SLC5A6: variants seen among roughly 807,000 people sequenced by gnomAD.
SLC5A6 encodes solute carrier family 5 member 6.
In SLC5A6, 31 loss-of-function variants were observed where a neutral mutation model predicts 67.9. The ratio of observed to expected loss-of-function variants is 0.46; its 90% confidence interval spans 0.34 to 0.62. The LOEUF is 0.62. Ranked by LOEUF, SLC5A6 falls within the 20% of genes least tolerant of loss-of-function variation. The pLI, the probability that SLC5A6 is intolerant of heterozygous loss-of-function variation, is 0.01. For synonymous variants in SLC5A6, 343 were observed against 331.0 expected (o/e 1.04, Z -0.39); for missense variants, 673 against 812.8 (o/e 0.83, Z 2.09).
At chr2:27,205,590 T>C in intron 6 of SLC5A6, 86 bp from the exon 7 acceptor site, 1 of 1,464,200 alleles carries the variant, frequency 6.8e-7, no homozygotes, top group Non-Finnish European at 9.5e-7. Flanking sequence ...TGCTCCATTT[T>C]GTTTTGTTTT....
intron 9 of SLC5A6, 22 bp downstream of exon 9, chr2:27,204,439 G>A: frequency 1.2e-6 from 2 of 1,604,194 alleles, no homozygotes; most frequent in Non-Finnish European, 1.7e-6. Context: ...GCCCTCATGG[G>A]AACAGAACAG....
At chr2:27,205,971 G>T in intron 6 of SLC5A6, 55 bp downstream of exon 6, 3 of 1,290,494 alleles carry the variant, frequency 2.3e-6, no homozygotes, top group Admixed American at 1.7e-5. Flanking sequence ...CTCTTCCCAT[G>T]TCCCCTCCTT....
In SLC5A6 at chr2:27,200,563, C is replaced by T. The variant is rs760098021; in HGVS notation, c.1781G>A (p.Gly594Asp). Residue 594 changes from glycine (G) to aspartate (D), a missense_variant, in exon 17 of 17, where the codon GGC (glycine) becomes GAC (aspartate). Transcript: ENST00000310574. Reference protein sequence around the residue: ...RSYGQDHLDTGLFPEKPRNGV... With the variant: ...RSYGQDHLDTDLFPEKPRNGV... Reference sequence around the variant, plus strand: ...ATTCCTCGGCTTCTCAGGAAACAGGCCAGTGTCGAGGTGGTCCTGCAAACA... The same window carrying T: ...ATTCCTCGGCTTCTCAGGAAACAGGTCAGTGTCGAGGTGGTCCTGCAAACA... 3.1e-6 allele frequency: 5 copies of T among 1,613,074 alleles called. No individual in the cohort carries two copies. The highest frequency in any genetic ancestry group is 4.2e-6 in the Non-Finnish European group (5 of 1,179,396).
chr2:27,204,213 C>T (rs1673876444), intron 9 of SLC5A6, among the ~76,000 whole-genome samples: 1 of 152,150 alleles, frequency 6.6e-6, no homozygotes, highest in Non-Finnish European at 1.5e-5. Context: ...CCCAGCAGAG[C>T]ACATGGAGCC....
chr2:27,203,453 A>G (rs1422341924), intron 10 of SLC5A6, 108 bp from the exon 11 acceptor site: 2 of 942,816 alleles, frequency 2.1e-6, no homozygotes, highest in Admixed American at 2.4e-5. Flanking sequence ...AGGTACCACC[A>G]AGAAACCTCC....
Position 27,200,493 on chromosome 2 carries a change from A to T in SLC5A6, c.1851T>A (p.Asp617Glu). The change falls in exon 17 of 17, where the codon GAT becomes GAA. Residue 617 changes from aspartate (D) to glutamate (E), a missense_variant. Asp to Glu is a conservative substitution (Grantham distance 45). Transcript: ENST00000310574. The stretch of plus-strand genomic sequence containing the variant: ...AGCTGCTCCCCTGATAGGCTGTGCC[A>T]TCCAGGGCCATGGCCTCCTTGTCTC... ...DSRDKEAMAL[D>E]GTAYQGSSST... 2 of 1,614,012 alleles carry T rather than the reference A, an allele frequency of 1.2e-6. No homozygotes were observed. Among genetic ancestry groups the T allele is most frequent in the Non-Finnish European group, 1.7e-6 (2 of 1,179,912 alleles).
Position 27,206,548 on chromosome 2 carries a change from A to G in SLC5A6, c.460-14T>C. ...CATGTAGATCACCTGTTGCATGTGG[A>G]AAAAATGTGATGGGGGCCGGAGAAT... is the stretch of plus-strand genomic sequence containing the variant. On this transcript the variant is annotated splice_polypyrimidine_tract_variant and intron_variant, in intron 4 of 16. Coordinates refer to ENST00000310574, the MANE Select transcript of SLC5A6 (RefSeq NM_021095.4). 1 of 1,612,516 alleles carries G rather than the reference A, an allele frequency of 6.2e-7. No individual in the cohort carries two copies. Among genetic ancestry groups the G allele is most frequent in the Non-Finnish European group, 8.5e-7 (1 of 1,178,626 alleles).
chr2:27,200,518 C>T lies in SLC5A6; in HGVS notation c.1826G>A (p.Arg609Lys), dbSNP rs758202425. 3 of 1,614,104 alleles carry T rather than the reference C, an allele frequency of 1.9e-6. No individual in the cohort carries two copies. Among genetic ancestry groups the T allele is most frequent in the Non-Finnish European group, 2.5e-6 (3 of 1,179,954 alleles). ...KPRNGVLGDS[R>K]DKEAMALDGT... ...ATCCAGGGCCATGGCCTCCTTGTCT[C>T]TGCTGTCCCCCAGCACACCATTCCT... Residue 609 changes from arginine to lysine, a missense_variant, in exon 17 of 17, where the codon AGA becomes AAA. Coordinates refer to ENST00000310574, the MANE Select transcript of SLC5A6 (RefSeq NM_021095.4).
At position 27,207,075 on chromosome 2, in the gene SLC5A6, C is replaced by CCTCCT. The variant is rs1397586303; in HGVS notation, c.394-138_394-134dup. On this transcript the variant is annotated intron_variant, in intron 3 of 16. Coordinates refer to ENST00000310574, the MANE Select transcript of SLC5A6 (RefSeq NM_021095.4). This position sits in a 1 kb window ranked among gnomAD's most constrained non-coding sequence, Gnocchi z 5.5. ...CTCTGAGTCCTACTCGGCATAGCAC[C>CCTCCT]CTCCTCTCCAATCCTGCCCCTATAC... 1 of 1,015,434 alleles carries CCTCCT rather than the reference C, an allele frequency of 9.8e-7. No homozygotes were observed. The highest frequency in any genetic ancestry group is 1.6e-5 in the African/African-American group (1 of 63,154). 62.9% of individuals were successfully genotyped at this position (1,015,434 alleles called of 1,614,324 possible). A position where few individuals can be genotyped will look rare whatever the true frequency, so the allele number is the denominator to read the frequency against.
In SLC5A6 at chr2:27,204,510, T is replaced by C. The variant is rs558875124; in HGVS notation, c.956A>G (p.Tyr319Cys). 5.1e-5 allele frequency: 82 copies of C among 1,614,000 alleles called. No individual in the cohort carries two copies. The East Asian group carries it at 1.8e-3, about 35-fold the overall frequency. ...CLIGLVMFAY[Y>C]QEYPMSIQQA... Reference sequence around the variant, plus strand: ...CTGAATGCTCATGGGATACTCCTGGTAATACGCGAACATGACCAGGCCAAT... The same window carrying C: ...CTGAATGCTCATGGGATACTCCTGGCAATACGCGAACATGACCAGGCCAAT... The change falls in exon 9 of 17, where the codon TAC (tyrosine) becomes TGC (cysteine). Residue 319 changes from tyrosine to cysteine, a missense_variant. Coordinates refer to ENST00000310574, the MANE Select transcript of SLC5A6 (RefSeq NM_021095.4).
chr2:27,201,093 G>A lies in SLC5A6; in HGVS notation c.1669C>T (p.Leu557=), dbSNP rs1329001584. The A allele has an allele frequency of 3.1e-6, 5 of 1,613,534 alleles. No individual in the cohort carries two copies. Among genetic ancestry groups the A allele is most frequent in the Non-Finnish European group, 4.2e-6 (5 of 1,179,632 alleles). The change falls in exon 16 of 17, where the codon CTG becomes TTG. Residue 557 remains leucine, a synonymous_variant. Coordinates refer to ENST00000310574, the MANE Select transcript of SLC5A6 (RefSeq NM_021095.4). ...ACTGGGTAAATGGTTGCAGGGTTCA[G>A]GGACCGGCCTCGCATTCTCCCTGAA... ...LLTGRMRGRS[L]NPATIYPVLP... is the part of the protein sequence containing the mutation.
At chr2:27,208,332 C>T (rs545617805) in intron 2 of SLC5A6, 1 of 152,674 alleles carries the variant, frequency 6.5e-6, no homozygotes, top group Non-Finnish European at 1.5e-5. Flanking sequence ...TTTCAGGCGT[C>T]CCCAGGCCAA....
intron 16 of SLC5A6, 125 bp downstream of exon 16, chr2:27,200,873 G>A (rs1286099085): frequency 1.5e-6 from 1 of 677,806 alleles, no homozygotes; most frequent in Non-Finnish European, 2.6e-6. Context: ...GGACAGCCTA[G>A]GCTTAGCTGA....
rs776741078 is a variant in SLC5A6 at position 27,201,994 on chromosome 2, G to A, written c.1356C>T (p.Asn452=). The change falls in exon 13 of 17, where the codon AAC becomes AAT. Residue 452 remains asparagine, a synonymous_variant. Transcript: ENST00000310574. ...ATCCAGATGCATCACTCACAGGAGG[G>A]TTAGCACATGGAAAGAACATTCCAA... ...FCLGMFFPCA[N]PPGAVVGLLA... 7 of 1,613,672 alleles carry A rather than the reference G, an allele frequency of 4.3e-6. No individual in the cohort carries two copies. Among genetic ancestry groups the A allele is most frequent in the East Asian group, 4.5e-5 (2 of 44,888 alleles).
intron 6 of SLC5A6, among the ~76,000 whole-genome samples, 166 bp downstream of exon 6, chr2:27,205,860 C>T (rs149911998): frequency 1.3e-5 from 2 of 152,356 alleles, no homozygotes; most frequent in African/African-American, 4.8e-5. Flanking sequence ...CCTCTACCTT[C>T]ATATACCATC....
intron 12 of SLC5A6, among the ~76,000 whole-genome samples, 161 bp from the exon 13 acceptor site, chr2:27,202,235 C>G (rs984082331): frequency 6.6e-6 from 1 of 152,138 alleles, no homozygotes; most frequent in African/African-American, 2.4e-5. Flanking sequence ...CGAGCGGTGG[C>G]TCATGCCTGT....
rs1673948529 is a variant in SLC5A6 at position 27,205,004 on chromosome 2, G to A, written c.735-73C>T. 2.5e-6 allele frequency: 4 copies of A among 1,572,212 alleles called. No homozygotes were observed. In the East Asian group the frequency reaches 9.0e-5, roughly 35 times the overall value. On this transcript the variant is annotated intron_variant, in intron 7 of 16. Transcript: ENST00000310574. ...CCTTCCTGCCCTCTTGGCAACAGGA[G>A]TCAGTGGACAGGAAAGGAGAGACAC...
At chr2:27,205,216 C>A in intron 7 of SLC5A6, 134 bp downstream of exon 7, 1 of 888,140 alleles carries the variant, frequency 1.1e-6, no homozygotes. Context: ...TCTGCAGGAC[C>A]AGTTTCCCAC....
upstream of SLC5A6, chr2:27,212,271 G>A: frequency 6.4e-7 from 1 of 1,555,326 alleles, no homozygotes; most frequent in Non-Finnish European, 8.7e-7. Context: ...ACTGGACCGG[G>A]CCGCTTAGGC....
Sources: gnomAD v4.1 joint callset for allele counts (sites outside exome capture counted in the v4.1 genomes callset) on GRCh38, gnomAD v4.1.1 for gene constraint, Gnocchi (gnomAD v3.1) non-coding constraint, MANE v1.5 for transcripts, NCBI Gene and HGNC (gene_info 2026-07-23, HGNC 2026-07-21) for gene names.